DNAH10: variants seen among roughly 807,000 people sequenced by gnomAD.
DNAH10 encodes the protein axonemal beta dynein heavy chain 10.
In DNAH10, 348 loss-of-function variants were observed where a neutral mutation model predicts 506.6. The ratio of observed to expected loss-of-function variants is 0.69; its 90% CI spans 0.63 to 0.75. DNAH10 has a LOEUF of 0.75. Ranked by LOEUF, DNAH10 falls within the 30% of genes least tolerant of loss-of-function variation. The pLI is 0.00. For synonymous variants in DNAH10, 2,059 were observed against 2,198.6 expected, an observed-to-expected ratio of 0.94 and a Z score of 1.78; for missense variants, 5,179 against 5,787.1, an observed-to-expected ratio of 0.89 and a Z score of 3.41.
At chr12:123,893,533 A>G in intron 53 of DNAH10, 97 bp downstream of exon 53, 1 of 1,388,188 alleles carries the variant, frequency 7.2e-7, no homozygotes, top group Non-Finnish European at 1.0e-6. Flanking sequence ...CCAGCAAAGC[A>G]AAACAAGACA....
At chr12:123,861,909 G>A (rs770248513) in intron 39 of DNAH10, among the ~76,000 whole-genome samples, 13 of 152,300 alleles carry the variant, frequency 8.5e-5, no homozygotes, top group East Asian at 1.9e-4. Context: ...GCTGAATTCC[G>A]TTGTCTTGTT....
At chr12:123,844,603 G>A (rs1950884060) in intron 30 of DNAH10, among the ~76,000 whole-genome samples, 1 of 152,196 alleles carries the variant, frequency 6.6e-6, no homozygotes, top group African/African-American at 2.4e-5. Context: ...GCAAACCTGG[G>A]CAGTGTGGTC....
Position 123,853,322 on chromosome 12 carries a change from G to A in DNAH10, c.6408G>A (p.Glu2136=), listed in dbSNP as rs762384175. 3 of 1,612,274 alleles carry A rather than the reference G, an allele frequency of 1.9e-6. No homozygotes were observed. The South Asian group carries it at 3.3e-5, about 18-fold the overall frequency. Residue 2136 remains glutamate, a synonymous_variant, in exon 36 of 79, where the codon GAG becomes GAA. Transcript: ENST00000673944. This position sits in a 1 kb window ranked among gnomAD's most constrained non-coding sequence, Gnocchi z 4.7. The stretch of plus-strand genomic sequence containing the variant: ...AATCGGTGCTGGTCATGGCTGGTGA[G>A]CTGAAGAGAGGCTCCTCTGACCTTA... The part of the protein sequence containing the change: ...ALKSVLVMAG[E]LKRGSSDLRE...
chr12:123,769,807 G>A (rs1030672394), intron 2 of DNAH10, among the ~76,000 whole-genome samples: 2 of 151,872 alleles, frequency 1.3e-5, no homozygotes, highest in African/African-American at 4.8e-5. Flanking sequence ...AGGCTGGAGT[G>A]CTGTGGTGTG....
Position 123,832,190 on chromosome 12 carries a change from G to A in DNAH10, c.4546-924G>A, listed in dbSNP as rs145960419. Among the ~76,000 whole-genome samples the A allele has an allele frequency of 6.8e-4, 103 of 151,820 alleles. 1 individual carries two copies. The highest frequency in any genetic ancestry group is 1.7e-3 in the African/African-American group (70 of 41,370). The stretch of plus-strand genomic sequence containing the variant: ...CATACAGTGTACCTAATATACACAC[G>A]TACACATAATATATATACATGTATA... On this transcript the variant is annotated intron_variant, in intron 26 of 78. Coordinates refer to ENST00000673944, the MANE Select transcript of DNAH10 (RefSeq NM_001372106.1).
chr12:123,784,627 A>G lies in DNAH10; in HGVS notation c.1230+450A>G, dbSNP rs150666774. On this transcript the variant is annotated intron_variant, in intron 8 of 78. Coordinates refer to ENST00000673944, the MANE Select transcript of DNAH10 (RefSeq NM_001372106.1). ...TCATTTTAACCACTATTAAGCATACAGTTCAGTGGCACTAAATACATACAC... is the reference window on the plus strand; with the variant it reads ...TCATTTTAACCACTATTAAGCATACGGTTCAGTGGCACTAAATACATACAC... Among the ~76,000 whole-genome samples the G allele has an allele frequency of 1.3e-3, 201 of 152,366 alleles. 3 individuals are homozygous for G. In the East Asian group the frequency reaches 0.025, roughly 19 times the overall value.
chr12:123,934,064 C>CGATGTCGTGAGA, intron 77 of DNAH10: 1 of 562,166 alleles, frequency 1.8e-6, no homozygotes, highest in Non-Finnish European at 3.2e-6. Flanking sequence ...TGGGGACTTA[C>CGATGTCGTGAGA]GGTAAAGATG....
At chr12:123,807,187 A>C (rs1594075323) in intron 18 of DNAH10, among the ~76,000 whole-genome samples, 1 of 145,660 alleles carries the variant, frequency 6.9e-6, no homozygotes. Context: ...ATTCATCCCC[A>C]CATCCATCCA....
At chr12:123,912,718 T>C (rs1268473667) in intron 59 of DNAH10, among the ~76,000 whole-genome samples, 5 of 152,158 alleles carry the variant, frequency 3.3e-5, no homozygotes, top group Admixed American at 6.5e-5. Context: ...TCATTTTGAG[T>C]CATATTGTGA....
intron 13 of DNAH10, among the ~76,000 whole-genome samples, chr12:123,797,988 G>A (rs761046148): frequency 1.8e-4 from 28 of 152,192 alleles, no homozygotes; most frequent in Non-Finnish European, 3.4e-4. Context: ...TTGAACAGGC[G>A]TGGCTGTGTC....
At chr12:123,871,428 G>A (rs1291912032) in intron 44 of DNAH10, 29 bp from the exon 45 acceptor site, 2 of 1,578,650 alleles carry the variant, frequency 1.3e-6, no homozygotes, top group East Asian at 4.6e-5. Context: ...GAGTTGCTGA[G>A]ATGCCCCTGT....
At chr12:123,769,907 C>A (rs574036920) in intron 2 of DNAH10, among the ~76,000 whole-genome samples, 2 of 85,392 alleles carry the variant, frequency 2.3e-5, no homozygotes, top group East Asian at 2.3e-3. Context: ...ATGTGTGCCA[C>A]CATGCCTGGC....
chr12:123,837,880 C>T (rs1008170940), intron 28 of DNAH10, among the ~76,000 whole-genome samples: 6 of 151,662 alleles, frequency 4.0e-5, no homozygotes, highest in Non-Finnish European at 8.8e-5. Flanking sequence ...ACTGGGATTA[C>T]AGGCTTGAAA....
chr12:123,847,350 A>ATCTC (rs917811929), intron 32 of DNAH10, among the ~76,000 whole-genome samples: 8 of 148,440 alleles, frequency 5.4e-5, no homozygotes, highest in South Asian at 2.1e-4. Flanking sequence ...CTATCTATCT[A>ATCTC]TCTGGATATT....
Position 123,915,160 on chromosome 12 carries a change from G to A in DNAH10, c.10722+161G>A, listed in dbSNP as rs533128870. 4.6e-5 allele frequency among the ~76,000 whole-genome samples: 7 copies of A among 152,228 alleles called. 1 individual carries two copies. Among genetic ancestry groups the A allele is most frequent in the African/African-American group, 9.6e-5 (4 of 41,550 alleles). On this transcript the variant is annotated intron_variant, in intron 62 of 78. Coordinates refer to ENST00000673944, the MANE Select transcript of DNAH10 (RefSeq NM_001372106.1). Reference sequence around the variant, plus strand: ...GGAGCCCTCCCCCGGCTCCGCCTCCGCCTCCACCCCGTGGGTCTGCCAGGG... The same window carrying A: ...GGAGCCCTCCCCCGGCTCCGCCTCCACCTCCACCCCGTGGGTCTGCCAGGG...
chr12:123,883,784 G>A (rs1220491399), intron 51 of DNAH10, among the ~76,000 whole-genome samples: 1 of 151,968 alleles, frequency 6.6e-6, no homozygotes, highest in Non-Finnish European at 1.5e-5. Flanking sequence ...ATTCCATTTA[G>A]AGAGAGAGAG....
At chr12:123,897,412 G>A (rs1193256915) in intron 54 of DNAH10, among the ~76,000 whole-genome samples, 1 of 152,192 alleles carries the variant, frequency 6.6e-6, no homozygotes, top group South Asian at 2.1e-4. Flanking sequence ...ACTCTTTGAA[G>A]AATCCCTGTT....
At chr12:123,880,560 G>C (rs1038160175) in intron 50 of DNAH10, among the ~76,000 whole-genome samples, 2 of 151,770 alleles carry the variant, frequency 1.3e-5, no homozygotes, top group Non-Finnish European at 2.9e-5. Context: ...GCCCAGGTTG[G>C]TCTCGAACTC....
intron 52 of DNAH10, among the ~76,000 whole-genome samples, chr12:123,892,099 C>T (rs757055421): frequency 2.0e-5 from 3 of 152,250 alleles, no homozygotes; most frequent in Non-Finnish European, 2.9e-5. Context: ...GCATAGAATA[C>T]GTTGCATACC....
Sources: gnomAD v4.1 joint callset for allele counts (sites outside exome capture counted in the v4.1 genomes callset) on GRCh38, gnomAD v4.1.1 for gene constraint, Gnocchi (gnomAD v3.1) non-coding constraint, MANE v1.5 for transcripts, NCBI Gene and HGNC (gene_info 2026-07-23, HGNC 2026-07-21) for gene names.